The following TRMT11 variants were observed in gnomAD, a reference collection of about 807,000 sequenced individuals.
The protein encoded by TRMT11 is tRNA (guanine(10)-N(2))-methyltransferase TRMT11.
A neutral mutation model predicts 62.8 loss-of-function variants in TRMT11; 53 were observed. The ratio of observed to expected loss-of-function variants is 0.84; its 90% confidence interval spans 0.68 to 1.06. The LOEUF (loss-of-function observed/expected upper bound fraction) is 1.06, where lower values mean the gene tolerates loss of function less well. TRMT11 is among the 50% of genes least tolerant of loss of function. The probability of loss-of-function intolerance (pLI) is 0.00; values close to 1 mark genes in which losing one functional copy is unlikely to be tolerated. For missense variants in TRMT11, 556 were observed against 553.4 expected, an observed-to-expected ratio of 1.00 and a Z score of -0.05; for synonymous variants, 188 against 190.3, an observed-to-expected ratio of 0.99 and a Z score of 0.10.
chr6:126,168,582 G>A (rs1229758545), intron 21 of TRMT11, among the ~76,000 whole-genome samples: 2 of 152,148 alleles, frequency 1.3e-5, no homozygotes, highest in African/African-American at 4.8e-5. Context: ...GCAGTGGCGC[G>A]ATCTTGGCTC....
At chr6:126,093,116 A>G (rs1200118698) in intron 17 of TRMT11, among the ~76,000 whole-genome samples, 1 of 152,170 alleles carries the variant, frequency 6.6e-6, no homozygotes, top group Non-Finnish European at 1.5e-5. Flanking sequence ...GTCTTTTTGG[A>G]GAAAGTATTA....
intron 21 of TRMT11, among the ~76,000 whole-genome samples, chr6:126,132,004 A>G (rs920474757): frequency 6.6e-6 from 1 of 152,052 alleles, no homozygotes; most frequent in African/African-American, 2.4e-5. Flanking sequence ...TTCAAATGTA[A>G]TTTGGGAGAG....
At chr6:126,098,580 C>G (rs114682961) in intron 17 of TRMT11, among the ~76,000 whole-genome samples, 215 of 152,310 alleles carry the variant, frequency 1.4e-3, no homozygotes, top group African/African-American at 4.7e-3. Flanking sequence ...CAGCAATTCT[C>G]TGTCTTTCAC....
chr6:126,108,495 T>C (rs887673857), intron 17 of TRMT11, among the ~76,000 whole-genome samples: 1 of 152,206 alleles, frequency 6.6e-6, no homozygotes, highest in Non-Finnish European at 1.5e-5. Context: ...ATACTTTATG[T>C]AATCATCATA....
chr6:126,158,086 A>G (rs559489692), intron 21 of TRMT11, among the ~76,000 whole-genome samples: 3 of 152,212 alleles, frequency 2.0e-5, no homozygotes, highest in Non-Finnish European at 4.4e-5. Context: ...TAATAAGCTT[A>G]TTACTATTAT....
the TRMT11 span, among the ~76,000 whole-genome samples, chr6:126,266,765 A>G: frequency 3.3e-5 from 5 of 152,314 alleles, no homozygotes; most frequent in South Asian, 2.1e-4. Flanking sequence ...AGGGATTTCA[A>G]CATTTTTTCC....
At chr6:126,140,512 T>C (rs1455837260) in intron 21 of TRMT11, among the ~76,000 whole-genome samples, 1 of 152,074 alleles carries the variant, frequency 6.6e-6, no homozygotes, top group Non-Finnish European at 1.5e-5. Flanking sequence ...CCATTTCAAG[T>C]ATAGTCTTTT....
At chr6:126,254,256 A>G in the TRMT11 span, among the ~76,000 whole-genome samples, 1 of 152,216 alleles carries the variant, frequency 6.6e-6, no homozygotes, top group Non-Finnish European at 1.5e-5. Context: ...AGGAACTCTC[A>G]GATAGGTATG....
At chr6:126,191,765 T>G (rs1349747537) in intron 1 of TRMT11, among the ~76,000 whole-genome samples, 1 of 152,100 alleles carries the variant, frequency 6.6e-6, no homozygotes, top group East Asian at 1.9e-4. Context: ...AAGTGTACGA[T>G]GTATCTCTGG....
At chr6:125,997,921 G>T in intron 3 of TRMT11, 132 bp from the exon 4 acceptor site, 1 of 604,596 alleles carries the variant, frequency 1.7e-6, no homozygotes, top group Non-Finnish European at 2.9e-6. Flanking sequence ...TAAAATAACC[G>T]ATTCATTTAT....
chr6:125,997,309 A>C (rs1163635848), intron 3 of TRMT11, among the ~76,000 whole-genome samples: 1 of 152,262 alleles, frequency 6.6e-6, no homozygotes, highest in Non-Finnish European at 1.5e-5. Flanking sequence ...ATAGACTTTT[A>C]TAAAAGCATA....
intron 11 of TRMT11, among the ~76,000 whole-genome samples, chr6:126,018,135 T>C (rs1795258161): frequency 6.6e-6 from 1 of 152,190 alleles, no homozygotes; most frequent in Non-Finnish European, 1.5e-5. Context: ...CAATTATAAT[T>C]CATTAATTAA....
At chr6:126,094,373 A>G (rs1777317245) in intron 17 of TRMT11, among the ~76,000 whole-genome samples, 1 of 152,218 alleles carries the variant, frequency 6.6e-6, no homozygotes. Context: ...TAAAATTGCT[A>G]CAATGTCACA....
intron 7 of TRMT11, among the ~76,000 whole-genome samples, 175 bp downstream of exon 7, chr6:125,999,788 T>C (rs1323655239): frequency 6.6e-6 from 1 of 152,150 alleles, no homozygotes; most frequent in Non-Finnish European, 1.5e-5. Flanking sequence ...CTTATGCCAC[T>C]TCAAAGATGA....
intron 21 of TRMT11, among the ~76,000 whole-genome samples, chr6:126,143,820 G>A (rs1777945511): frequency 6.6e-6 from 1 of 152,096 alleles, no homozygotes; most frequent in Non-Finnish European, 1.5e-5. Flanking sequence ...GATAAGTGGG[G>A]CATCTGTTAT....
intron 1 of TRMT11, among the ~76,000 whole-genome samples, chr6:126,195,657 T>C (rs1259954568): frequency 6.6e-6 from 1 of 152,188 alleles, no homozygotes; most frequent in Admixed American, 6.5e-5. Context: ...CCCCTTCCCA[T>C]AGTCATGTAC....
At chr6:126,135,576 C>A (rs1266731273) in intron 21 of TRMT11, among the ~76,000 whole-genome samples, 1 of 151,634 alleles carries the variant, frequency 6.6e-6, no homozygotes, top group Admixed American at 6.6e-5. Context: ...AGTACTAATA[C>A]CAATTATACT....
the TRMT11 span, among the ~76,000 whole-genome samples, chr6:126,229,342 A>G: frequency 6.6e-6 from 1 of 152,220 alleles, no homozygotes; most frequent in African/African-American, 2.4e-5. Flanking sequence ...TGCTGTCTCC[A>G]TTGCAGGATT....
At chr6:126,041,001 C>G (rs1433234908), downstream of TRMT11, among the ~76,000 whole-genome samples, 1 of 152,058 alleles carries the variant, frequency 6.6e-6, no homozygotes, top group African/African-American at 2.4e-5. Context: ...GGCCAGCTTG[C>G]CACTGATTTC....
Sources: allele counts gnomAD v4.1 joint callset (sites outside exome capture counted in the v4.1 genomes callset), GRCh38; gene constraint gnomAD v4.1.1; transcripts MANE v1.5; gene names NCBI Gene and HGNC (gene_info 2026-07-23, HGNC 2026-07-21).